TYW5: variants seen among roughly 807,000 people sequenced by gnomAD.
TYW5 encodes tRNA-yW synthesizing protein 5.
In TYW5, 36 loss-of-function variants were observed where a neutral mutation model predicts 44.4. The ratio of observed to expected loss-of-function variants is 0.81; its 90% CI spans 0.62 to 1.07. The LOEUF (loss-of-function observed/expected upper bound fraction) is 1.07. TYW5 is among the 50% of genes least tolerant of loss of function. TYW5 has a pLI of 0.00. For missense variants in TYW5, 354 were observed against 365.7 expected (o/e 0.97, Z 0.26); for synonymous variants, 121 against 128.1 (o/e 0.94, Z 0.37).
At position 199,930,495 on chromosome 2, in the gene TYW5, A is replaced by T. The variant is rs568635692; in HGVS notation, c.*2572T>A. On this transcript the variant is annotated 3_prime_UTR_variant, in exon 8 of 8. Coordinates refer to ENST00000354611, the MANE Select transcript of TYW5 (RefSeq NM_001039693.3). ...TTTAATTTTTCTATTTTTAGTAGAG[A>T]CGGGGTTTTACCATGTTGGCCAGAA... The T allele has an allele frequency of 6.6e-6, 1 of 152,280 alleles. No individual in the cohort carries two copies. Among genetic ancestry groups the T allele is most frequent in the East Asian group, 1.9e-4 (1 of 5,176 alleles). 9.4% of individuals were successfully genotyped at this position (152,280 alleles called of 1,614,324 possible).
At chr2:199,941,839 T>G (rs2077467141) in intron 3 of TYW5, among the ~76,000 whole-genome samples, 1 of 152,174 alleles carries the variant, frequency 6.6e-6, no homozygotes, top group Non-Finnish European at 1.5e-5. Context: ...TAGGTCATGC[T>G]CTTCTTGGGG....
At chr2:199,939,119 T>C (rs373786653) in intron 4 of TYW5, 49 bp from the exon 5 acceptor site, 21 of 1,523,068 alleles carry the variant, frequency 1.4e-5, no homozygotes, top group Middle Eastern at 1.8e-4. Context: ...GACCCTATGA[T>C]ATTAAGGAAG....
rs35165461 is a variant in TYW5 at position 199,929,970 on chromosome 2, ATTTTTTT to A, written c.*3090_*3096del. 9 of 89,862 alleles carry A rather than the reference ATTTTTTT, an allele frequency of 1.0e-4. No homozygotes were observed. Among genetic ancestry groups the A allele is most frequent in the African/African-American group, 1.8e-4 (4 of 22,402 alleles). The allele number at this position is 89,862 out of a possible 1,614,324, so 5.6% of individuals were successfully genotyped here. ...ACCACTCCCCAGCTCTGCATATAAT[ATTTTTTT>A]TTTTTTTTTTTTTTTTGAGACAGGG... is the stretch of plus-strand genomic sequence containing the variant. On this transcript the variant is annotated 3_prime_UTR_variant, in exon 8 of 8. Coordinates refer to ENST00000354611, the MANE Select transcript of TYW5 (RefSeq NM_001039693.3).
At chr2:199,944,871 T>A (rs1275826904) in intron 2 of TYW5, 1 of 152,198 alleles carries the variant, frequency 6.6e-6, no homozygotes, top group Non-Finnish European at 1.5e-5. Context: ...AGAAATATAC[T>A]GGGTAAACAC....
rs544814838 is a variant in TYW5 at position 199,953,150 on chromosome 2, C to T, written c.78+2243G>A. ...CAGCCTGGCCAACATGGCGAAACTCCGCCTCTACTAAAAAATACAAAAATT... is the reference window on the plus strand; with the variant it reads ...CAGCCTGGCCAACATGGCGAAACTCTGCCTCTACTAAAAAATACAAAAATT... On this transcript the variant is annotated intron_variant, in intron 1 of 7. Coordinates refer to ENST00000354611, the MANE Select transcript of TYW5 (RefSeq NM_001039693.3). Among the ~76,000 whole-genome samples, 521 of 152,192 alleles carry T rather than the reference C, an allele frequency of 3.4e-3. 5 individuals carry two copies. Among genetic ancestry groups the T allele is most frequent in the African/African-American group, 0.012 (483 of 41,526 alleles).
chr2:199,944,067 T>C (rs1193176601), intron 2 of TYW5: 1 of 379,926 alleles, frequency 2.6e-6, no homozygotes, highest in South Asian at 6.2e-5. Flanking sequence ...TCAAAATCTA[T>C]GATACAGATG....
rs1166314224 is a variant in TYW5 at position 199,933,213 on chromosome 2, C to G, written c.802G>C (p.Asp268His). The change falls in exon 8 of 8, where the codon GAT (aspartate) becomes CAT (histidine). Residue 268 changes from aspartate to histidine, a missense_variant. Physicochemically the swap from Asp to His is moderately conservative, Grantham distance 81. Transcript: ENST00000354611. ...YDKTDTYGNKDPTAASRAAQI... is the reference protein window; with the variant it reads ...YDKTDTYGNKHPTAASRAAQI... ...GCAGCTCTTGATGCTGCTGTAGGAT[C>G]TTTGTTTCCATAGGTATCTGTTTTA... 1 of 1,614,100 alleles carries G rather than the reference C, an allele frequency of 6.2e-7. No homozygotes were observed. The highest frequency in any genetic ancestry group is 1.3e-5 in the African/African-American group (1 of 75,028).
At chr2:199,941,789 C>A (rs116104518) in intron 3 of TYW5, among the ~76,000 whole-genome samples, 2,003 of 152,266 alleles carry the variant, frequency 0.013, 21 homozygotes, top group Middle Eastern at 0.11. Context: ...TTAGAGCTAC[C>A]AGCTGTTAAC....
At position 199,955,362 on chromosome 2, in the gene TYW5, C is replaced by T. The variant is rs201696912; in HGVS notation, c.78+31G>A. 1.9e-6 allele frequency: 3 copies of T among 1,608,994 alleles called. No individual in the cohort carries two copies. The African/African-American group carries it at 4.0e-5, about 21-fold the overall frequency. On this transcript the variant is annotated intron_variant, in intron 1 of 7. Transcript: ENST00000354611. ...GTAAAGACGTGTCTCTCGCTGGTTT[C>T]TCGAGGTTCTGCCCCGCGCGAGGGC...
In TYW5 at chr2:199,933,125, T is replaced by C. The variant is rs763586010; in HGVS notation, c.890A>G (p.Tyr297Cys). 7 of 1,614,184 alleles carry C rather than the reference T, an allele frequency of 4.3e-6. No homozygotes were observed. Among genetic ancestry groups the C allele is most frequent in the East Asian group, 2.2e-5 (1 of 44,872 alleles). The change falls in exon 8 of 8, where the codon TAT becomes TGT. Residue 297 changes from tyrosine (Y) to cysteine (C), a missense_variant. Transcript: ENST00000354611. ...AELPEEYRDF[Y>C]ARRMVLHIQD... ...AATGTGTAGGACCATTCGTCGTGCA[T>C]AGAAGTCCCTATATTCCTCTGGTAA...
At chr2:199,935,845 G>GT in intron 7 of TYW5, 86 bp downstream of exon 7, 1 of 842,908 alleles carries the variant, frequency 1.2e-6, no homozygotes, top group Non-Finnish European at 1.9e-6. Flanking sequence ...ATATATATTT[G>GT]TACTAAAAAA....
intron 5 of TYW5, among the ~76,000 whole-genome samples, chr2:199,937,266 A>ATGGTTT (rs1398616262): frequency 3.3e-5 from 5 of 152,136 alleles, no homozygotes; most frequent in Non-Finnish European, 7.4e-5. Context: ...CCATAACTAT[A>ATGGTTT]CAATTCAAAC....
chr2:199,936,599 G>A, intron 5 of TYW5, 107 bp from the exon 6 acceptor site: 2 of 867,186 alleles, frequency 2.3e-6, no homozygotes, highest in Non-Finnish European at 3.7e-6. Flanking sequence ...AATGAGACTT[G>A]ACTTACTTAA....
In TYW5 at chr2:199,936,024, T is replaced by C. The variant is rs2077417875; in HGVS notation, c.598A>G (p.Ile200Val). The C allele has an allele frequency of 2.5e-6, 4 of 1,610,124 alleles. No homozygotes were observed. The African/African-American group carries it at 4.0e-5, about 16-fold the overall frequency. The change falls in exon 7 of 8, where the codon ATA becomes GTA. Residue 200 changes from isoleucine (I) to valine (V), a missense_variant. Coordinates refer to ENST00000354611, the MANE Select transcript of TYW5 (RefSeq NM_001039693.3). Reference protein sequence around the residue: ...LKGTKSEVLNIDNPDLAKYPL... With the variant: ...LKGTKSEVLNVDNPDLAKYPL... The stretch of plus-strand genomic sequence containing the variant: ...TATTTAGCCAAGTCTGGGTTATCTA[T>C]ATTCAGTACTTCTGATTTAGTACCT...
chr2:199,955,482 C>T lies in TYW5; in HGVS notation c.-12G>A, dbSNP rs375614345. The T allele has an allele frequency of 1.9e-6, 3 of 1,613,102 alleles. No homozygotes were observed. Among genetic ancestry groups the T allele is most frequent in the African/African-American group, 1.3e-5 (1 of 74,910 alleles). On this transcript the variant is annotated 5_prime_UTR_variant, in exon 1 of 8. Coordinates refer to ENST00000354611, the MANE Select transcript of TYW5 (RefSeq NM_001039693.3). ...TGCTGCCCGGCCATGGTTGCTCACG[C>T]CTGCCCTCTTCCAGGTCTTCGGAAC... is the stretch of plus-strand genomic sequence containing the variant.
intron 2 of TYW5, chr2:199,946,316 A>G (rs1180117604): frequency 6.6e-6 from 1 of 152,198 alleles, no homozygotes; most frequent in Non-Finnish European, 1.5e-5. Context: ...ACATTTTAAA[A>G]AAGAAGAAGA....
intron 2 of TYW5, chr2:199,946,589 G>A (rs2077505809): frequency 6.6e-6 from 1 of 152,154 alleles, no homozygotes; most frequent in South Asian, 2.1e-4. Context: ...TAAGAAAGAA[G>A]TAAAAGTTCA....
At position 199,955,284 on chromosome 2, in the gene TYW5, G is replaced by A; in HGVS notation, c.78+109C>T. 4.0e-6 allele frequency: 5 copies of A among 1,261,140 alleles called. No individual in the cohort carries two copies. In the South Asian group the frequency reaches 5.6e-5, roughly 14 times the overall value. 78.1% of individuals were successfully genotyped at this position (1,261,140 alleles called of 1,614,324 possible). On this transcript the variant is annotated intron_variant, in intron 1 of 7. Coordinates refer to ENST00000354611, the MANE Select transcript of TYW5 (RefSeq NM_001039693.3). ...AACCAGTGATCTGCTGCCGTCCTGC[G>A]CCTCTTTCCCACACCCTGGGTCTCT...
Position 199,939,449 on chromosome 2 carries a change from A to G in TYW5, c.349-379T>C, listed in dbSNP as rs17629127. On this transcript the variant is annotated intron_variant, in intron 4 of 7. Transcript: ENST00000354611. ...AAGAAATACCAGGCTGTGTAACAAG[A>G]CTGCAGATTTTATAGTATCACTACT... Among the ~76,000 whole-genome samples the G allele has an allele frequency of 8.3e-3, 1,258 of 152,268 alleles. 31 individuals carry two copies. The East Asian group carries it at 0.087, about 11-fold the overall frequency.
Sources: allele counts gnomAD v4.1 joint callset (sites outside exome capture counted in the v4.1 genomes callset), GRCh38; gene constraint gnomAD v4.1.1; transcripts MANE v1.5; gene names NCBI Gene and HGNC (gene_info 2026-07-23, HGNC 2026-07-21).